The following TET2 variants were observed in gnomAD, a reference collection of about 807,000 sequenced individuals.
The protein encoded by TET2 is methylcytosine dioxygenase TET2.
TET2 carries 299 observed loss-of-function variants against 142.9 expected under a neutral mutation model. The observed-to-expected ratio is 2.09, with a 90% CI of 1.90 to 2.30. The LOEUF (loss-of-function observed/expected upper bound fraction) is 2.30, where lower values mean the gene tolerates loss of function less well. Ranked by LOEUF, TET2 falls within the 30% of genes most tolerant of loss-of-function variation. TET2 has a pLI of 0.00. For synonymous variants in TET2, 819 were observed against 849.0 expected, an observed-to-expected ratio of 0.96 and a Z score of 0.61; for missense variants, 2,418 against 2,378.0, an observed-to-expected ratio of 1.02 and a Z score of -0.35.
In TET2 at chr4:105,165,028, T is replaced by C. The variant is rs139333021; in HGVS notation, c.-193+18049T>C. On this transcript the variant is annotated intron_variant, in intron 1 of 10. Coordinates refer to ENST00000380013, the MANE Select transcript of TET2 (RefSeq NM_001127208.3). ...TATAGATATTACTGTTTTTCCTCTATTTTGTATCATATTTTCAGGAAGAAG... is the reference window on the plus strand; with the variant it reads ...TATAGATATTACTGTTTTTCCTCTACTTTGTATCATATTTTCAGGAAGAAG... 3.9e-3 allele frequency among the ~76,000 whole-genome samples: 598 copies of C among 152,286 alleles called. 1 individual carries two copies. Among genetic ancestry groups the C allele is most frequent in the South Asian group, 0.014 (66 of 4,826 alleles).
At position 105,241,546 on chromosome 4, in the gene TET2, G is replaced by A. The variant is rs190463142; in HGVS notation, c.3500+117G>A. ...TTGTAAATTGAGTAATTATTAGTAG[G>A]CTTAGCTATTCTAGGGTTGCCAACA... On this transcript the variant is annotated intron_variant, in intron 4 of 10. Coordinates refer to ENST00000380013, the MANE Select transcript of TET2 (RefSeq NM_001127208.3). 2.4e-4 allele frequency: 352 copies of A among 1,457,582 alleles called. No homozygotes were observed. The African/African-American group carries it at 4.4e-3, about 18-fold the overall frequency. 90.3% of individuals were successfully genotyped at this position (1,457,582 alleles called of 1,614,324 possible). A position where few individuals can be genotyped will look rare whatever the true frequency, so the allele number is the denominator to read the frequency against.
chr4:105,254,497 G>A (rs2110275556), intron 6 of TET2, among the ~76,000 whole-genome samples: 1 of 152,210 alleles, frequency 6.6e-6, no homozygotes, highest in East Asian at 1.9e-4. Context: ...CTGCAGCCTT[G>A]ACTTCCTGGG....
At chr4:105,195,342 CA>C (rs1726021846) in intron 2 of TET2, among the ~76,000 whole-genome samples, 1 of 152,118 alleles carries the variant, frequency 6.6e-6, no homozygotes, top group Non-Finnish European at 1.5e-5. Context: ...TCTGACCAGA[CA>C]TTTTTCTCAA....
chr4:105,167,478 G>C (rs1724220754), intron 1 of TET2, among the ~76,000 whole-genome samples: 1 of 151,834 alleles, frequency 6.6e-6, no homozygotes, highest in Non-Finnish European at 1.5e-5. Flanking sequence ...TACACATGTA[G>C]TATATCTATA....
intron 1 of TET2, among the ~76,000 whole-genome samples, chr4:105,164,655 T>C (rs1247067778): frequency 6.6e-6 from 1 of 152,230 alleles, no homozygotes; most frequent in African/African-American, 2.4e-5. Context: ...ACTCATAGAC[T>C]GGTCAGTTGA....
At chr4:105,222,639 C>T (rs184066686) in intron 2 of TET2, among the ~76,000 whole-genome samples, 12 of 152,142 alleles carry the variant, frequency 7.9e-5, no homozygotes, top group African/African-American at 2.2e-4. Flanking sequence ...GAGTAGGTTG[C>T]GAAAATTTTC....
chr4:105,208,515 G>A (rs1466438345), intron 2 of TET2, among the ~76,000 whole-genome samples: 1 of 151,992 alleles, frequency 6.6e-6, no homozygotes, highest in East Asian at 1.9e-4. Flanking sequence ...TAAGTATAAG[G>A]GATAGAGACT....
chr4:105,261,646 C>G, intron 7 of TET2, 113 bp from the exon 8 acceptor site: 3 of 563,252 alleles, frequency 5.3e-6, no homozygotes, highest in Non-Finnish European at 6.2e-6. Flanking sequence ...ATAAAGGCAC[C>G]ATATATTGTG....
intron 6 of TET2, among the ~76,000 whole-genome samples, chr4:105,250,380 A>ATTTTTTTTTTTTTT (rs59695275): frequency 9.9e-5 from 6 of 60,318 alleles, no homozygotes; most frequent in Admixed American, 2.7e-4. Flanking sequence ...TCCTTTCTGG[A>ATTTTTTTTTTTTTT]TTTTTTTTTT....
intron 1 of TET2, among the ~76,000 whole-genome samples, chr4:105,174,920 C>G (rs1724690944): frequency 6.6e-6 from 1 of 152,114 alleles, no homozygotes; most frequent in South Asian, 2.1e-4. Flanking sequence ...AAGTTCAGCC[C>G]CCTTTTAGCT....
At chr4:105,213,438 G>A (rs373892868) in intron 2 of TET2, among the ~76,000 whole-genome samples, 3 of 152,140 alleles carry the variant, frequency 2.0e-5, no homozygotes, top group African/African-American at 4.8e-5. Context: ...TGTAATGATC[G>A]TCAAAAGTAG....
chr4:105,275,365 C>A lies in TET2; in HGVS notation c.4855C>A (p.Pro1619Thr), dbSNP rs2110312946. 6.4e-7 allele frequency: 1 copy of A among 1,551,626 alleles called. No individual in the cohort carries two copies. Among genetic ancestry groups the A allele is most frequent in the Admixed American group, 2.0e-5 (1 of 50,994 alleles). The change falls in exon 11 of 11, where the codon CCT (proline) becomes ACT (threonine). Residue 1619 changes from proline (P) to threonine (T), a missense_variant. Coordinates refer to ENST00000380013, the MANE Select transcript of TET2 (RefSeq NM_001127208.3). ...LNSSNPMNPY[P>T]GLLNQNTQYP... ...TTCTTCTAATCCCATGAACCCTTACCCTGGGCTTTTGAATCAGAATACCCA... is the reference window on the plus strand; with the variant it reads ...TTCTTCTAATCCCATGAACCCTTACACTGGGCTTTTGAATCAGAATACCCA...
chr4:105,204,215 CAAAA>C (rs531909233), intron 2 of TET2, among the ~76,000 whole-genome samples: 2 of 97,318 alleles, frequency 2.1e-5, no homozygotes, highest in African/African-American at 3.8e-5. Context: ...AAAAACAAAC[CAAAA>C]AAAAAAAAAA....
intron 6 of TET2, among the ~76,000 whole-genome samples, chr4:105,256,873 T>C (rs895444759): frequency 1.1e-4 from 17 of 152,172 alleles, no homozygotes; most frequent in Admixed American, 6.5e-5. Flanking sequence ...CTCTAATTTT[T>C]ACTGCAGTTA....
rs1167258645 is a variant in TET2, at chr4:105,236,133, C to G, written c.2191C>G (p.Gln731Glu). ...GCCTCATAAACAGGCAGCACAAACA[C>G]AACCATCCCAGAGTTCACATCTCCC... ...HKPHKQAAQT[Q>E]PSQSSHLPQN... Residue 731 changes from glutamine (Q) to glutamate (E), a missense_variant, in exon 3 of 11, where the codon CAA (glutamine) becomes GAA (glutamate). Coordinates refer to ENST00000380013, the MANE Select transcript of TET2 (RefSeq NM_001127208.3). 1.2e-6 allele frequency: 2 copies of G among 1,614,142 alleles called. No individual in the cohort carries two copies. Among genetic ancestry groups the G allele is most frequent in the Non-Finnish European group, 1.7e-6 (2 of 1,180,002 alleles).
rs951012081 is a variant in TET2 at position 105,211,974 on chromosome 4, T to C, written c.-47+21469T>C. Among the ~76,000 whole-genome samples, 5 of 152,342 alleles carry C rather than the reference T, an allele frequency of 3.3e-5. No homozygotes were observed. In the East Asian group the frequency reaches 9.6e-4, roughly 29 times the overall value. ...TAACTTAAGTCATTGAGATTCCTTA[T>C]GGCCACCTCATATTCACCCTGCATA... On this transcript the variant is annotated intron_variant, in intron 2 of 10. Coordinates refer to ENST00000380013, the MANE Select transcript of TET2 (RefSeq NM_001127208.3).
In TET2 at chr4:105,236,611, C is replaced by T. The variant is rs150378522; in HGVS notation, c.2669C>T (p.Ser890Leu). ...HRCFQEQEQK[S>L]QQASVLQGYK... is the part of the protein sequence containing the mutation. ...TGCTTTCAAGAACAGGAGCAGAAGT[C>T]ACAACAAGCTTCAGTTCTACAGGGA... Residue 890 changes from serine (S) to leucine (L), a missense_variant, in exon 3 of 11, where the codon TCA becomes TTA. Transcript: ENST00000380013. The T allele has an allele frequency of 2.4e-5, 38 of 1,614,050 alleles. No individual in the cohort carries two copies. In the African/African-American group the frequency reaches 4.1e-4, roughly 18 times the overall value.
intron 1 of TET2, among the ~76,000 whole-genome samples, chr4:105,161,052 G>A (rs939480593): frequency 6.6e-6 from 1 of 152,136 alleles, no homozygotes. Context: ...GGGATTACAG[G>A]TGTTTTTCTT....
intron 1 of TET2, among the ~76,000 whole-genome samples, chr4:105,163,806 CGAGAGAGAGAGAGAGAGAGAGAGAGAGA>C (rs59658275): frequency 4.9e-4 from 39 of 79,798 alleles, no homozygotes; most frequent in East Asian, 1.9e-3. Flanking sequence ...TCGAAAGTTT[CGAGAGAGAGAGAGAGAGAGAGAGAGAGA>C]GAGAGAGAGA....
Sources: gnomAD v4.1 joint callset for allele counts (sites outside exome capture counted in the v4.1 genomes callset) on GRCh38, gnomAD v4.1.1 for gene constraint, MANE v1.5 for transcripts, NCBI Gene and HGNC (gene_info 2026-07-23, HGNC 2026-07-21) for gene names.